SPATA31C1: variants seen among roughly 807,000 people sequenced by gnomAD.
The protein encoded by SPATA31C1 is SPATA31 subfamily C member 1.
At position 87,920,657 on chromosome 9, in the gene SPATA31C1, T is replaced by C. The variant is rs371519082; in HGVS notation, n.1047T>C. 3.0e-5 allele frequency: 49 copies of C among 1,613,734 alleles called. 1 individual carries two copies. The highest frequency in any genetic ancestry group is 4.0e-5 in the Non-Finnish European group (47 of 1,179,858). On this transcript the variant is annotated non_coding_transcript_exon_variant, in exon 5 of 5. Coordinates refer to ENST00000420021, the Ensembl canonical transcript of SPATA31C1. ...GGGACTCCACTCTGTTAACACCATC[T>C]CACTGTGACTCAGTGGCACTTCCAC...
chr9:87,921,591 A>T lies in SPATA31C1; in HGVS notation n.1981A>T, dbSNP rs373676973. ...AGAAAGGAACCTGAGGAAGCCCTTGAGGAGTGACTCAGGAAGTGATTTATT... is the reference window on the plus strand; with the variant it reads ...AGAAAGGAACCTGAGGAAGCCCTTGTGGAGTGACTCAGGAAGTGATTTATT... On this transcript the variant is annotated non_coding_transcript_exon_variant, in exon 5 of 5. Coordinates refer to ENST00000420021, the Ensembl canonical transcript of SPATA31C1. The T allele has an allele frequency of 8.7e-6, 14 of 1,611,906 alleles. No individual in the cohort carries two copies. The East Asian group carries it at 8.9e-5, about 10-fold the overall frequency.
exon 5 of SPATA31C1, chr9:87,922,337 C>A: frequency 6.2e-7 from 1 of 1,611,176 alleles, no homozygotes; most frequent in South Asian, 1.1e-5. Flanking sequence ...TGCCACAACC[C>A]ACAGTCCCCT....
intron 1 of SPATA31C1, chr9:87,917,416 C>CAAAAAAATA (rs1319579822): frequency 8.8e-6 from 1 of 113,404 alleles, no homozygotes; most frequent in Non-Finnish European, 1.9e-5. Flanking sequence ...GACTCCGTCT[C>CAAAAAAATA]AAAAAAATAA....
At position 87,920,336 on chromosome 9, in the gene SPATA31C1, T is replaced by C. The variant is rs1828817505; in HGVS notation, n.726T>C. The C allele has an allele frequency of 3.1e-6, 5 of 1,613,862 alleles. No individual in the cohort carries two copies. In the South Asian group the frequency reaches 5.5e-5, roughly 18 times the overall value. On this transcript the variant is annotated non_coding_transcript_exon_variant, in exon 5 of 5. Transcript: ENST00000420021. Reference sequence around the variant, plus strand: ...CAGGTGAGGTGGGCAAAAGAACACCTGATGGAGCCTCCCGGTCCTCTCATG... The same window carrying C: ...CAGGTGAGGTGGGCAAAAGAACACCCGATGGAGCCTCCCGGTCCTCTCATG...
intron 2 of SPATA31C1, chr9:87,918,839 C>A: frequency 6.5e-6 from 2 of 306,144 alleles, no homozygotes; most frequent in Non-Finnish European, 1.3e-5. Flanking sequence ...TGAAGCGATA[C>A]CGGCTCAGTG....
At position 87,920,275 on chromosome 9, in the gene SPATA31C1, A is replaced by C. The variant is rs776184190; in HGVS notation, n.665A>C. ...AGCCTCCTGGGGCCACACCTTGAAA[A>C]AGGTGACTTTGGTCAGCTCTCTGGT... On this transcript the variant is annotated non_coding_transcript_exon_variant, in exon 5 of 5. Transcript: ENST00000420021. 6.2e-6 allele frequency: 10 copies of C among 1,613,762 alleles called. No individual in the cohort carries two copies. In the East Asian group the frequency reaches 2.2e-4, roughly 36 times the overall value.
At chr9:87,921,701 C>T in exon 5 of SPATA31C1, 2 of 1,612,078 alleles carry the variant, frequency 1.2e-6, no homozygotes, top group South Asian at 1.1e-5. Flanking sequence ...AGGGCTTGAT[C>T]CCCGTGAGTG....
At position 87,919,197 on chromosome 9, in the gene SPATA31C1, C is replaced by T. The variant is rs560885285; in HGVS notation, n.523-94C>T. The T allele has an allele frequency of 1.3e-4, 208 of 1,592,874 alleles. No individual in the cohort carries two copies. The African/African-American group carries it at 2.3e-3, about 17-fold the overall frequency. ...TGCGGTTCATGAGTGCAGCGTGCTG[C>T]GGCTGGGGGCAGAGAGGGAGAGCCG... is the stretch of plus-strand genomic sequence containing the variant. On this transcript the variant is annotated intron_variant and non_coding_transcript_variant, in intron 2 of 4. Transcript: ENST00000420021.
chr9:87,920,200 C>T, intron 4 of SPATA31C1, 52 bp from the exon 4 acceptor site: 2 of 1,608,812 alleles, frequency 1.2e-6, no homozygotes, highest in Non-Finnish European at 1.7e-6. Flanking sequence ...CCACTCTGCC[C>T]TCCGAACCCA....
At chr9:87,916,780 A>G (rs1192506152) in intron 1 of SPATA31C1, among the ~76,000 whole-genome samples, 392 of 91,324 alleles carry the variant, frequency 4.3e-3, no homozygotes, top group African/African-American at 8.3e-3. Context: ...GGCGGATCAC[A>G]AGGTCAGGAG....
exon 5 of SPATA31C1, chr9:87,922,757 G>A (rs1345780384): frequency 1.2e-5 from 19 of 1,606,548 alleles, no homozygotes; most frequent in Non-Finnish European, 1.6e-5. Flanking sequence ...GCTCATGCAA[G>A]AGCCAAAGCC....
chr9:87,922,438 C>T (rs1190050657), exon 5 of SPATA31C1: 7 of 1,610,412 alleles, frequency 4.3e-6, no homozygotes, highest in African/African-American at 2.7e-5. Context: ...TCTCTACTCC[C>T]TAGAATGTCT....
chr9:87,920,891 G>A (rs750932237), exon 5 of SPATA31C1: 2 of 1,613,270 alleles, frequency 1.2e-6, no homozygotes, highest in Non-Finnish European at 1.7e-6. Flanking sequence ...TGCTTTTCCA[G>A]GCCCAGCCCC....
In SPATA31C1 at chr9:87,915,511, G is replaced by C. The variant is rs190929668; in HGVS notation, n.189+801G>C. 8.0e-4 allele frequency among the ~76,000 whole-genome samples: 116 copies of C among 145,564 alleles called. 17 individuals carry two copies. The South Asian group carries it at 0.01, about 13-fold the overall frequency. ...TAGAGATGGGGTTTCACCATGGCCA[G>C]GCTGGTCTCAAACTCTTGACTTTAG... On this transcript the variant is annotated intron_variant and non_coding_transcript_variant, in intron 1 of 4. Transcript: ENST00000420021.
Position 87,919,160 on chromosome 9 carries a change from C to T in SPATA31C1, n.523-131C>T, listed in dbSNP as rs545321716. 1.0e-5 allele frequency: 16 copies of T among 1,558,474 alleles called. No homozygotes were observed. In the African/African-American group the frequency reaches 1.2e-4, roughly 12 times the overall value. ...AGCACACAGAGCTCCCTGAGCAAGA[C>T]AGACAGAGCCATGCGGTTCATGAGT... On this transcript the variant is annotated intron_variant and non_coding_transcript_variant, in intron 2 of 4. Coordinates refer to ENST00000420021, the Ensembl canonical transcript of SPATA31C1.
At chr9:87,920,718 G>A (rs772179220) in exon 5 of SPATA31C1, 2 of 1,613,972 alleles carry the variant, frequency 1.2e-6, no homozygotes, top group Non-Finnish European at 8.5e-7. Flanking sequence ...TCCACGTGAG[G>A]ATTTGGCGGC....
exon 5 of SPATA31C1, chr9:87,922,062 G>C (rs760639831): frequency 6.2e-7 from 1 of 1,613,890 alleles, no homozygotes; most frequent in Non-Finnish European, 8.5e-7. Flanking sequence ...GCCACCAATG[G>C]CAAGTCTGAG....
chr9:87,921,163 C>T lies in SPATA31C1; in HGVS notation n.1553C>T, dbSNP rs147060168. On this transcript the variant is annotated non_coding_transcript_exon_variant, in exon 5 of 5. Transcript: ENST00000420021. ...CAACTAGAAGGTGGGTTGGCTTTAC[C>T]CTCTAGGGTCCAAAAATCTCAGGAC... 3.9e-4 allele frequency: 627 copies of T among 1,611,804 alleles called. 5 individuals are homozygous for T. The African/African-American group carries it at 7.9e-3, about 20-fold the overall frequency.
At chr9:87,922,589 G>A in exon 5 of SPATA31C1, 5 of 1,609,354 alleles carry the variant, frequency 3.1e-6, no homozygotes, top group Non-Finnish European at 4.2e-6. Context: ...CATCTGTTGT[G>A]CCCCATGCTT....
Sources: allele counts gnomAD v4.1 joint callset (sites outside exome capture counted in the v4.1 genomes callset), GRCh38; gene constraint gnomAD v4.1.1; transcripts MANE v1.5; gene names NCBI Gene and HGNC (gene_info 2026-07-23, HGNC 2026-07-21).